PRKN: variants seen among roughly 807,000 people sequenced by gnomAD.
The protein encoded by PRKN is parkin RBR E3 ubiquitin protein ligase, also known as E3 ubiquitin-protein ligase parkin.
Under a neutral mutation model 59.5 loss-of-function variants are expected in PRKN, and 56 were observed. That is an observed-to-expected ratio of 0.94 (90% CI 0.76 to 1.18). PRKN has a LOEUF of 1.18. PRKN is among the 50% of genes most tolerant of loss of function. The pLI is 0.00. For synonymous variants in PRKN, 250 were observed against 222.1 expected, an observed-to-expected ratio of 1.13 and a Z score of -1.12; for missense variants, 657 against 596.4, an observed-to-expected ratio of 1.10 and a Z score of -1.06.
At chr6:162,125,511 A>G (rs954421931) in intron 4 of PRKN, among the ~76,000 whole-genome samples, 1 of 152,154 alleles carries the variant, frequency 6.6e-6, no homozygotes, top group African/African-American at 2.4e-5. Flanking sequence ...CAGTTTCAGG[A>G]ATTCTAGGGA....
At chr6:162,692,192 T>A (rs79858014) in intron 1 of PRKN, among the ~76,000 whole-genome samples, 1 of 124,582 alleles carries the variant, frequency 8.0e-6, no homozygotes, top group Non-Finnish European at 1.7e-5. Flanking sequence ...AAAAAAAAAA[T>A]CATGGTTGTC....
intron 2 of PRKN, among the ~76,000 whole-genome samples, chr6:162,337,085 T>C (rs1196260395): frequency 6.6e-6 from 1 of 152,212 alleles, no homozygotes; most frequent in Non-Finnish European, 1.5e-5. Context: ...ATCTTGTGAC[T>C]ACAAATATTG....
At chr6:162,263,221 A>AC in intron 2 of PRKN, 2 of 224,052 alleles carry the variant, frequency 8.9e-6, no homozygotes, top group Non-Finnish European at 9.0e-6. Flanking sequence ...CTGGGATTAT[A>AC]GGCGGGCACC....
At chr6:161,804,545 G>C (rs1468146870) in intron 6 of PRKN, among the ~76,000 whole-genome samples, 3 of 152,200 alleles carry the variant, frequency 2.0e-5, no homozygotes, top group Non-Finnish European at 4.4e-5. Context: ...GACCCATAAG[G>C]AGAAGGAGAA....
At chr6:162,493,143 T>A (rs945352095) in intron 1 of PRKN, among the ~76,000 whole-genome samples, 5 of 152,040 alleles carry the variant, frequency 3.3e-5, no homozygotes, top group African/African-American at 1.2e-4. Flanking sequence ...AGGATAAAAA[T>A]CAATGGACAT....
rs1255106264 is a variant in PRKN at position 161,397,634 on chromosome 6, G to A, written c.1084-10757C>T. ...AAATTCAAGTCACTTCTAATTCCAC[G>A]TGATTATCATGAAGTTGCAAGGACC... On this transcript the variant is annotated intron_variant, in intron 9 of 11. Coordinates refer to ENST00000366898, the MANE Select transcript of PRKN (RefSeq NM_004562.3). This position sits in a 1 kb window ranked among gnomAD's most constrained non-coding sequence, Gnocchi z 4.2. Among the ~76,000 whole-genome samples, 1 of 152,072 alleles carries A rather than the reference G, an allele frequency of 6.6e-6. No homozygotes were observed. Among genetic ancestry groups the A allele is most frequent in the East Asian group, 1.9e-4 (1 of 5,194 alleles).
chr6:162,208,257 T>A (rs1450988597), intron 3 of PRKN, among the ~76,000 whole-genome samples: 1 of 152,186 alleles, frequency 6.6e-6, no homozygotes, highest in African/African-American at 2.4e-5. Flanking sequence ...AGCCATAAAC[T>A]TAACTCCTGT....
At position 161,361,614 on chromosome 6, in the gene PRKN, G is replaced by A. The variant is rs1784978220; in HGVS notation, c.1168-1409C>T. On this transcript the variant is annotated intron_variant, in intron 10 of 11. Coordinates refer to ENST00000366898, the MANE Select transcript of PRKN (RefSeq NM_004562.3). This position sits in a 1 kb window ranked among gnomAD's most constrained non-coding sequence, Gnocchi z 5.2. ...CATGGGTGGTATCCCTGACAGTGGT[G>A]GGGGCACCACAGACAAGCTTTGCCT... Among the ~76,000 whole-genome samples, 1 of 152,188 alleles carries A rather than the reference G, an allele frequency of 6.6e-6. No homozygotes were observed. Among genetic ancestry groups the A allele is most frequent in the African/African-American group, 2.4e-5 (1 of 41,444 alleles).
chr6:162,574,585 C>A (rs947881254), intron 1 of PRKN, among the ~76,000 whole-genome samples: 4 of 152,076 alleles, frequency 2.6e-5, no homozygotes, highest in Non-Finnish European at 5.9e-5. Context: ...CTTGGACATT[C>A]CTGTAGTTTT....
At chr6:162,530,043 T>C (rs370498854) in intron 1 of PRKN, among the ~76,000 whole-genome samples, 1 of 151,670 alleles carries the variant, frequency 6.6e-6, no homozygotes, top group African/African-American at 2.4e-5. Context: ...GGTGGGAGAA[T>C]TGCTTGAACC....
intron 5 of PRKN, among the ~76,000 whole-genome samples, chr6:162,040,213 CG>C (rs1214821390): frequency 6.6e-6 from 1 of 152,064 alleles, no homozygotes; most frequent in Non-Finnish European, 1.5e-5. Flanking sequence ...AGCACAGAAG[CG>C]GTAGGAAACC....
intron 4 of PRKN, among the ~76,000 whole-genome samples, chr6:162,081,567 T>A (rs1779060794): frequency 6.6e-6 from 1 of 152,116 alleles, no homozygotes; most frequent in African/African-American, 2.4e-5. Context: ...TAAACCGTGC[T>A]GTAAACAGGT....
chr6:161,527,265 A>G lies in PRKN; in HGVS notation c.1083+21589T>C, dbSNP rs1779048523. ...CCAGCTCAAAATATGCCAAAGAAGT[A>G]CATTCTGGGGTGGCATGTTCTGGTC... On this transcript the variant is annotated intron_variant, in intron 9 of 11. Transcript: ENST00000366898. This position sits in a 1 kb window ranked among gnomAD's most constrained non-coding sequence, Gnocchi z 4.6. 6.6e-6 allele frequency among the ~76,000 whole-genome samples: 1 copy of G among 152,234 alleles called. No homozygotes were observed. The highest frequency in any genetic ancestry group is 1.5e-5 in the Non-Finnish European group (1 of 68,038).
At chr6:161,699,985 C>G (rs1051721689) in intron 7 of PRKN, among the ~76,000 whole-genome samples, 2 of 152,086 alleles carry the variant, frequency 1.3e-5, no homozygotes, top group Non-Finnish European at 2.9e-5. Flanking sequence ...CCTGCAGGGT[C>G]TGCAGTCATG....
chr6:162,003,500 G>A (rs1782137417), intron 5 of PRKN, among the ~76,000 whole-genome samples: 1 of 152,104 alleles, frequency 6.6e-6, no homozygotes, highest in African/African-American at 2.4e-5. Flanking sequence ...GGTCTTCAAG[G>A]TTTAGGTGGT....
intron 4 of PRKN, among the ~76,000 whole-genome samples, chr6:162,176,272 G>A (rs1242066813): frequency 6.6e-6 from 1 of 152,132 alleles, no homozygotes; most frequent in East Asian, 1.9e-4. Flanking sequence ...GTTGAGGCTA[G>A]GCTAGTGTTT....
intron 7 of PRKN, among the ~76,000 whole-genome samples, chr6:161,712,939 C>T (rs1219222417): frequency 6.6e-6 from 1 of 152,124 alleles, no homozygotes; most frequent in Non-Finnish European, 1.5e-5. Context: ...TATAATTCAA[C>T]TCGATTCTGA....
intron 7 of PRKN, among the ~76,000 whole-genome samples, chr6:161,634,641 C>T (rs976195940): frequency 2.0e-5 from 3 of 152,078 alleles, no homozygotes; most frequent in East Asian, 1.9e-4. Context: ...GAGGTGGGCT[C>T]GCCATCCTTT....
chr6:161,653,526 A>C (rs892054850), intron 7 of PRKN, among the ~76,000 whole-genome samples: 1 of 152,182 alleles, frequency 6.6e-6, no homozygotes, highest in Non-Finnish European at 1.5e-5. Flanking sequence ...AAATGCTCCC[A>C]GTAAATATCA....
Sources: gnomAD v4.1 joint callset for allele counts (sites outside exome capture counted in the v4.1 genomes callset) on GRCh38, gnomAD v4.1.1 for gene constraint, Gnocchi (gnomAD v3.1) non-coding constraint, MANE v1.5 for transcripts, NCBI Gene and HGNC (gene_info 2026-07-23, HGNC 2026-07-21) for gene names.